Variants in EPB41L5 observed in about 807,000 individuals in gnomAD.
The protein encoded by EPB41L5 is band 4.1-like protein 5.
A neutral mutation model predicts 106.6 loss-of-function variants in EPB41L5; 55 were observed. The ratio of observed to expected loss-of-function variants is 0.52; its 90% CI spans 0.42 to 0.65. The LOEUF is 0.65. Among genes scored for constraint, EPB41L5 ranks in the 30% least tolerant of loss-of-function variants. The pLI is 0.00. For synonymous variants in EPB41L5, 297 were observed against 306.7 expected (o/e 0.97, Z 0.33); for missense variants, 871 against 882.1 (o/e 0.99, Z 0.16).
chr2:120,123,996 TGTG>T (rs1372681765), intron 16 of EPB41L5, among the ~76,000 whole-genome samples: 4 of 152,146 alleles, frequency 2.6e-5, no homozygotes, highest in East Asian at 1.9e-4. Context: ...CCCTTATTCT[TGTG>T]GTGCTCACAT....
chr2:120,172,906 A>G (rs1687747720), intron 24 of EPB41L5, among the ~76,000 whole-genome samples: 1 of 152,190 alleles, frequency 6.6e-6, no homozygotes, highest in Non-Finnish European at 1.5e-5. Context: ...ACATGTCTGA[A>G]TGTACTGAGA....
At chr2:120,034,436 T>C (rs1421715157) in intron 2 of EPB41L5, among the ~76,000 whole-genome samples, 1 of 152,178 alleles carries the variant, frequency 6.6e-6, no homozygotes, top group Non-Finnish European at 1.5e-5. Flanking sequence ...AATGGAAACA[T>C]ATAAGTTTGG....
intron 3 of EPB41L5, among the ~76,000 whole-genome samples, chr2:120,055,481 A>ATTTTTTTTTTT (rs34856540): frequency 2.3e-5 from 2 of 85,552 alleles, no homozygotes; most frequent in Admixed American, 1.5e-4. Flanking sequence ...TAGGTTTTTA[A>ATTTTTTTTTTT]TTTTTTTTTT....
rs1684055250 is a variant in EPB41L5, at chr2:120,100,298, C to T, written c.1221+12C>T. 6.2e-7 allele frequency: 1 copy of T among 1,610,852 alleles called. No homozygotes were observed. The highest frequency in any genetic ancestry group is 8.5e-7 in the Non-Finnish European group (1 of 1,177,434). On this transcript the variant is annotated intron_variant, in intron 15 of 24. Transcript: ENST00000263713. ...ATGGCTCCCAACAGGTAAGACAATA[C>T]TAAGCTTCTAAAACACTGGATCACC...
chr2:120,105,628 G>A (rs1485452649), intron 16 of EPB41L5: 2 of 985,206 alleles, frequency 2.0e-6, no homozygotes, highest in South Asian at 4.7e-5. Flanking sequence ...TAAGAGGATG[G>A]CCACTCAAAG....
chr2:120,094,466 GTT>G (rs72363835), intron 14 of EPB41L5, among the ~76,000 whole-genome samples: 21 of 137,352 alleles, frequency 1.5e-4, no homozygotes, highest in Non-Finnish European at 2.1e-4. Context: ...AGTATTTTGA[GTT>G]TTTTTTTTTC....
At chr2:120,048,731 T>A (rs1312066658) in intron 3 of EPB41L5, among the ~76,000 whole-genome samples, 1 of 152,198 alleles carries the variant, frequency 6.6e-6, no homozygotes, top group Admixed American at 6.5e-5. Context: ...CTAGTTCTTT[T>A]AATTGTGATG....
At chr2:120,129,693 A>G (rs769812563) in intron 17 of EPB41L5, among the ~76,000 whole-genome samples, 1 of 152,256 alleles carries the variant, frequency 6.6e-6, no homozygotes, top group Non-Finnish European at 1.5e-5. Context: ...AAAAGATCAA[A>G]TGAAATATAA....
At chr2:120,076,945 A>G (rs1206733745) in intron 7 of EPB41L5, 26 bp from the exon 8 acceptor site, 2 of 1,564,524 alleles carry the variant, frequency 1.3e-6, no homozygotes, top group Admixed American at 1.9e-5. Context: ...GGAAATACAT[A>G]TAACTTTTGA....
intron 16 of EPB41L5, among the ~76,000 whole-genome samples, chr2:120,102,592 A>T (rs1234273841): frequency 6.6e-6 from 1 of 152,200 alleles, no homozygotes; most frequent in Admixed American, 6.5e-5. Context: ...TTAGAAAGTG[A>T]TAAATGGTTA....
intron 16 of EPB41L5, 80 bp downstream of exon 16, chr2:120,100,894 T>C: frequency 1.0e-6 from 1 of 955,522 alleles, no homozygotes; most frequent in Non-Finnish European, 1.6e-6. Flanking sequence ...CTTAAAGTAC[T>C]TTAAATATGA....
chr2:120,104,307 T>C (rs1275242160), intron 16 of EPB41L5: 11 of 1,481,170 alleles, frequency 7.4e-6, no homozygotes, highest in Non-Finnish European at 8.9e-6. Flanking sequence ...ATCTGGTGTT[T>C]ATAAAGGATT....
intron 3 of EPB41L5, among the ~76,000 whole-genome samples, chr2:120,051,017 A>G (rs1680224528): frequency 6.6e-6 from 1 of 152,162 alleles, no homozygotes; most frequent in Admixed American, 6.5e-5. Flanking sequence ...GTTCCTCTGG[A>G]AGCTTCGTCT....
rs1452170837 is a variant in EPB41L5, at chr2:120,132,142, AT to A, written c.1599+435del. Among the ~76,000 whole-genome samples the A allele has an allele frequency of 4.6e-5, 7 of 151,852 alleles. No homozygotes were observed. In the South Asian group the frequency reaches 1.0e-3, roughly 22 times the overall value. The stretch of plus-strand genomic sequence containing the variant: ...CCTTTCTCTCCCCTGTCCCCTTTGA[AT>A]TTTTTTTGTTGTAGGGTGGGGGATA... On this transcript the variant is annotated intron_variant, in intron 18 of 24. Transcript: ENST00000263713.
chr2:120,043,416 G>A lies in EPB41L5; in HGVS notation c.285+1306G>A, dbSNP rs561001857. Among the ~76,000 whole-genome samples, 112 of 151,916 alleles carry A rather than the reference G, an allele frequency of 7.4e-4. 1 individual carries two copies. Among genetic ancestry groups the A allele is most frequent in the Middle Eastern group, 3.4e-3 (1 of 294 alleles). ...ATTAGCTGGGCCTGGGCATGGTGGCGTGCCCCTGTAGTCCCAGCTACTCAG... is the reference window on the plus strand; with the variant it reads ...ATTAGCTGGGCCTGGGCATGGTGGCATGCCCCTGTAGTCCCAGCTACTCAG... On this transcript the variant is annotated intron_variant, in intron 3 of 24. Coordinates refer to ENST00000263713, the MANE Select transcript of EPB41L5 (RefSeq NM_020909.4).
chr2:120,093,068 C>T (rs1368973750), intron 13 of EPB41L5, among the ~76,000 whole-genome samples, 181 bp from the exon 14 acceptor site: 1 of 152,052 alleles, frequency 6.6e-6, no homozygotes, highest in African/African-American at 2.4e-5. Flanking sequence ...CCAGCCTGGG[C>T]AACAGTAGTG....
intron 3 of EPB41L5, among the ~76,000 whole-genome samples, chr2:120,051,299 C>T (rs979324410): frequency 1.3e-5 from 2 of 152,162 alleles, no homozygotes; most frequent in Non-Finnish European, 2.9e-5. Context: ...GCGGTGGGCT[C>T]CACCCAGTTC....
At chr2:120,017,924 G>C (rs1395447614) in intron 1 of EPB41L5, among the ~76,000 whole-genome samples, 1 of 148,620 alleles carries the variant, frequency 6.7e-6, no homozygotes, top group Non-Finnish European at 1.5e-5. Context: ...AGCCTCCCCA[G>C]TAGCCGGGAC....
intron 14 of EPB41L5, among the ~76,000 whole-genome samples, chr2:120,094,141 C>T (rs1683594796): frequency 6.6e-6 from 1 of 151,974 alleles, no homozygotes; most frequent in East Asian, 1.9e-4. Flanking sequence ...CACTTGCCAT[C>T]ATGCATGGCT....
Sources: gnomAD v4.1 joint callset for allele counts (sites outside exome capture counted in the v4.1 genomes callset) on GRCh38, gnomAD v4.1.1 for gene constraint, MANE v1.5 for transcripts, NCBI Gene and HGNC (gene_info 2026-07-23, HGNC 2026-07-21) for gene names.